Variants in UTRN observed in about 807,000 individuals in gnomAD.
The protein encoded by UTRN is dystrophin-related protein 1.
UTRN carries 283 observed loss-of-function variants against 463.9 expected under a neutral mutation model. The ratio of observed to expected loss-of-function variants is 0.61; its 90% confidence interval spans 0.55 to 0.67. The LOEUF (loss-of-function observed/expected upper bound fraction) is 0.67, where lower values mean the gene tolerates loss of function less well. Among genes scored for constraint, UTRN ranks in the 30% least tolerant of loss-of-function variants. The pLI is 0.00. For missense variants in UTRN, 3,922 were observed against 4,084.3 expected (o/e 0.96, Z 1.08); for synonymous variants, 1,442 against 1,431.5 (o/e 1.01, Z -0.17).
At chr6:144,712,565 T>G (rs1163792020) in intron 53 of UTRN, among the ~76,000 whole-genome samples, 1 of 152,252 alleles carries the variant, frequency 6.6e-6, no homozygotes, top group Non-Finnish European at 1.5e-5. Context: ...TCACTCAGGT[T>G]GAAACTTCTA....
intron 2 of UTRN, among the ~76,000 whole-genome samples, chr6:144,388,266 C>T (rs879338442): frequency 6.6e-6 from 1 of 151,986 alleles, no homozygotes; most frequent in Non-Finnish European, 1.5e-5. Context: ...AAAATCCTTC[C>T]ATGTCTTTCC....
At chr6:144,742,498 G>T (rs145236988) in intron 54 of UTRN, among the ~76,000 whole-genome samples, 415 of 152,258 alleles carry the variant, frequency 2.7e-3, no homozygotes, top group Non-Finnish European at 4.9e-3. Flanking sequence ...AAATAGGAGG[G>T]GGGTAAAGAG....
chr6:144,816,680 C>CT (rs1779107995), intron 65 of UTRN, among the ~76,000 whole-genome samples: 1 of 146,786 alleles, frequency 6.8e-6, no homozygotes, highest in Non-Finnish European at 1.5e-5. Context: ...CCATTTAAAT[C>CT]TTTTTTAAGT....
intron 49 of UTRN, among the ~76,000 whole-genome samples, chr6:144,556,258 C>G (rs1156886917): frequency 3.3e-5 from 5 of 152,108 alleles, no homozygotes; most frequent in Admixed American, 3.3e-4. Context: ...TCCACAAATG[C>G]AGACTTTACT....
At chr6:144,814,665 C>G (rs1315562997) in intron 65 of UTRN, among the ~76,000 whole-genome samples, 3 of 152,010 alleles carry the variant, frequency 2.0e-5, no homozygotes, top group African/African-American at 7.3e-5. Flanking sequence ...AGTGTAACTA[C>G]TTTATGAATG....
chr6:144,587,927 A>C (rs1223370228), intron 51 of UTRN, among the ~76,000 whole-genome samples: 1 of 152,140 alleles, frequency 6.6e-6, no homozygotes, highest in Non-Finnish European at 1.5e-5. Flanking sequence ...GCTTCATGAG[A>C]AAGTCTTGGT....
chr6:144,712,585 T>A (rs1785847351), intron 53 of UTRN, among the ~76,000 whole-genome samples: 1 of 152,246 alleles, frequency 6.6e-6, no homozygotes, highest in South Asian at 2.1e-4. Flanking sequence ...ATATTGTACC[T>A]GATGTTTGCT....
intron 51 of UTRN, among the ~76,000 whole-genome samples, chr6:144,616,192 C>T (rs1806072646): frequency 6.6e-6 from 1 of 152,176 alleles, no homozygotes; most frequent in Non-Finnish European, 1.5e-5. Context: ...TGGGCCTTAA[C>T]AGCATACAGG....
chr6:144,637,716 A>G (rs1188379125), intron 51 of UTRN, among the ~76,000 whole-genome samples: 1 of 151,268 alleles, frequency 6.6e-6, no homozygotes, highest in East Asian at 1.9e-4. Context: ...CCTCCACCCT[A>G]ATGGACATTG....
In UTRN at chr6:144,428,885, A is replaced by G; in HGVS notation, c.686A>G (p.Asp229Gly). Residue 229 changes from aspartate to glycine, a missense_variant, in exon 8 of 75, where the codon GAT becomes GGT. Physicochemically the swap from Asp to Gly is moderately conservative, Grantham distance 94. This residue lies in a region of UTRN where 264 missense variants were observed against 327.9 expected (regional missense o/e 0.81). Coordinates refer to ENST00000367545, the MANE Select transcript of UTRN (RefSeq NM_007124.3). The stretch of plus-strand genomic sequence containing the variant: ...TATTTGGGAATTGAAAAGCTGTTAG[A>G]TCCTGAAGGTATTGTCCAGTATTTA... ...QTYLGIEKLL[D>G]PEDVAVQLPD... is the part of the protein sequence containing the mutation. The G allele has an allele frequency of 6.2e-7, 1 of 1,602,474 alleles. No homozygotes were observed. Among genetic ancestry groups the G allele is most frequent in the Non-Finnish European group, 8.5e-7 (1 of 1,173,790 alleles).
chr6:144,418,580 T>G (rs968621120), intron 3 of UTRN, among the ~76,000 whole-genome samples: 6 of 149,786 alleles, frequency 4.0e-5, no homozygotes, highest in South Asian at 2.1e-4. Flanking sequence ...TTGTTTGTTT[T>G]TTTGAGACAG....
At chr6:144,389,031 C>A (rs1024612224) in intron 2 of UTRN, among the ~76,000 whole-genome samples, 1 of 152,138 alleles carries the variant, frequency 6.6e-6, no homozygotes, top group Non-Finnish European at 1.5e-5. Context: ...GTGACACAGC[C>A]TCAGGAGGTC....
In UTRN at chr6:144,727,568, C is replaced by G. The variant is rs141926761; in HGVS notation, c.7810-2789C>G. 5.5e-3 allele frequency among the ~76,000 whole-genome samples: 840 copies of G among 152,038 alleles called. 3 individuals carry two copies. Among genetic ancestry groups the G allele is most frequent in the Middle Eastern group, 0.02 (6 of 294 alleles). The stretch of plus-strand genomic sequence containing the variant: ...GGTCAGGAGATCGAGACCATCCTGG[C>G]TAACACAGTGAAATGCCATCTCTAC... On this transcript the variant is annotated intron_variant, in intron 53 of 74. Transcript: ENST00000367545.
intron 2 of UTRN, among the ~76,000 whole-genome samples, chr6:144,317,133 A>G (rs923488267): frequency 3.3e-5 from 5 of 152,242 alleles, no homozygotes; most frequent in African/African-American, 1.2e-4. Flanking sequence ...AATACATTTG[A>G]TGAAATAAGG....
At chr6:144,582,526 A>T (rs1336593557) in intron 51 of UTRN, among the ~76,000 whole-genome samples, 2 of 152,220 alleles carry the variant, frequency 1.3e-5, no homozygotes, top group African/African-American at 4.8e-5. Context: ...TGATATAATT[A>T]TGGCCTCATA....
intron 60 of UTRN, among the ~76,000 whole-genome samples, chr6:144,780,445 G>A (rs1447420090): frequency 2.0e-5 from 3 of 151,964 alleles, no homozygotes; most frequent in African/African-American, 7.3e-5. Context: ...GTTAAATACA[G>A]AGACAGAGAA....
chr6:144,666,443 CCAGT>C (rs1409857352), intron 51 of UTRN, among the ~76,000 whole-genome samples: 7 of 152,104 alleles, frequency 4.6e-5, no homozygotes, highest in Admixed American at 3.9e-4. Flanking sequence ...GGCCAATTTG[CCAGT>C]CAATCAAAAT....
intron 65 of UTRN, among the ~76,000 whole-genome samples, chr6:144,812,834 A>G (rs897540805): frequency 3.3e-5 from 5 of 151,994 alleles, no homozygotes; most frequent in Non-Finnish European, 7.4e-5. Flanking sequence ...TATTTTATTT[A>G]TTCATTTATA....
At chr6:144,345,632 C>T (rs962915871) in intron 2 of UTRN, among the ~76,000 whole-genome samples, 2 of 152,106 alleles carry the variant, frequency 1.3e-5, no homozygotes, top group Non-Finnish European at 2.9e-5. Flanking sequence ...ACGATCATGC[C>T]GCTGCATTCC....
Sources: gnomAD v4.1 joint callset for allele counts (sites outside exome capture counted in the v4.1 genomes callset) on GRCh38, gnomAD v4.1.1 for gene constraint, gnomAD v4.1.1 regional missense constraint, MANE v1.5 for transcripts, NCBI Gene and HGNC (gene_info 2026-07-23, HGNC 2026-07-21) for gene names.